PMFBP1: variants seen among roughly 807,000 people sequenced by gnomAD.
PMFBP1 encodes the protein polyamine modulated factor 1 binding protein 1.
A neutral mutation model predicts 137.8 loss-of-function variants in PMFBP1; 131 were observed. The ratio of observed to expected loss-of-function variants is 0.95; its 90% CI spans 0.82 to 1.10. PMFBP1 has a LOEUF of 1.10. Ranked by LOEUF, PMFBP1 falls within the 50% of genes least tolerant of loss-of-function variation. The pLI, the probability that PMFBP1 is intolerant of heterozygous loss-of-function variation, is 0.00. For synonymous variants in PMFBP1, 490 were observed against 450.4 expected (o/e 1.09, Z -1.11); for missense variants, 1,199 against 1,175.4 (o/e 1.02, Z -0.29).
chr16:72,140,523 A>G lies in PMFBP1; in HGVS notation c.696T>C (p.Ile232=). The change falls in exon 6 of 21, where the codon ATT becomes ATC. Residue 232 remains isoleucine (I), a synonymous_variant. Transcript: ENST00000237353. ...KVRIYTSPCM[I]QEHQETQKRL... ...GTTTCTGAGTCTCCTGATGCTCTTG[A>G]ATCATGCAAGGAGAAGTGTATATCC... is the stretch of plus-strand genomic sequence containing the variant. 1 of 1,613,492 alleles carries G rather than the reference A, an allele frequency of 6.2e-7. No individual in the cohort carries two copies. Among genetic ancestry groups the G allele is most frequent in the South Asian group, 1.1e-5 (1 of 91,072 alleles).
chr16:72,219,716 T>C, the PMFBP1 span, among the ~76,000 whole-genome samples: 1 of 151,892 alleles, frequency 6.6e-6, no homozygotes, highest in Non-Finnish European at 1.5e-5. Flanking sequence ...AGGGATGAGA[T>C]ACAGGTTTGG....
At chr16:72,217,318 C>T in the PMFBP1 span, among the ~76,000 whole-genome samples, 1 of 152,142 alleles carries the variant, frequency 6.6e-6, no homozygotes, top group South Asian at 2.1e-4. Context: ...TTTTAAAATA[C>T]ACAGTACTCT....
At chr16:72,184,264 G>T in the PMFBP1 span, among the ~76,000 whole-genome samples, 2 of 152,076 alleles carry the variant, frequency 1.3e-5, no homozygotes, top group Non-Finnish European at 2.9e-5. Flanking sequence ...ATATCAGGTT[G>T]TTCCTACAAT....
rs975599024 is a variant in PMFBP1 at position 72,169,599 on chromosome 16, A to C, written c.12+1598T>G. On this transcript the variant is annotated intron_variant, in intron 2 of 20. Transcript: ENST00000237353. ...TGTAACAAACCTGCACATTCTGCAC[A>C]TGTATCCCAGAACTTAAAGTATAAT... is the stretch of plus-strand genomic sequence containing the variant. Among the ~76,000 whole-genome samples the C allele has an allele frequency of 6.6e-5, 10 of 152,214 alleles. 1 individual carries two copies. Among genetic ancestry groups the C allele is most frequent in the Non-Finnish European group, 1.3e-4 (9 of 68,038 alleles).
intron 6 of PMFBP1, among the ~76,000 whole-genome samples, chr16:72,139,865 A>G (rs1334957548): frequency 6.6e-6 from 1 of 152,232 alleles, no homozygotes; most frequent in Non-Finnish European, 1.5e-5. Flanking sequence ...AAATAATTCA[A>G]ATAAGACCTG....
the PMFBP1 span, among the ~76,000 whole-genome samples, chr16:72,209,373 A>G: frequency 3.9e-4 from 59 of 152,290 alleles, no homozygotes; most frequent in African/African-American, 1.4e-3. Flanking sequence ...AGACCCACTT[A>G]TTAATTTACA....
the PMFBP1 span, among the ~76,000 whole-genome samples, chr16:72,242,286 G>A: frequency 1.7e-4 from 26 of 152,316 alleles, no homozygotes; most frequent in Non-Finnish European, 3.5e-4. Flanking sequence ...CCTTTGTTCT[G>A]TCAAAGATCC....
chr16:72,168,302 T>C (rs1237910930), intron 2 of PMFBP1, among the ~76,000 whole-genome samples: 2 of 152,156 alleles, frequency 1.3e-5, no homozygotes, highest in African/African-American at 2.4e-5. Context: ...TCGAGAATGA[T>C]GTTCGATTTT....
At chr16:72,125,695 A>C (rs771587095) in intron 15 of PMFBP1, among the ~76,000 whole-genome samples, 29 of 152,128 alleles carry the variant, frequency 1.9e-4, no homozygotes, top group Non-Finnish European at 4.0e-4. Context: ...GACAATCCAG[A>C]CTTTGGGAAA....
chr16:72,180,893 A>C (rs943536665), upstream of PMFBP1, among the ~76,000 whole-genome samples: 4 of 152,168 alleles, frequency 2.6e-5, no homozygotes, highest in Admixed American at 6.5e-5. Context: ...AAATGAGTGG[A>C]AGAAATGAAA....
the PMFBP1 span, among the ~76,000 whole-genome samples, chr16:72,193,941 G>A: frequency 6.6e-6 from 1 of 150,714 alleles, no homozygotes; most frequent in South Asian, 2.1e-4. Flanking sequence ...CCCATGAGGT[G>A]GAAGAGTCTA....
the PMFBP1 span, among the ~76,000 whole-genome samples, chr16:72,212,749 G>A: frequency 6.6e-6 from 1 of 152,110 alleles, no homozygotes; most frequent in Non-Finnish European, 1.5e-5. Context: ...AATAAATGAA[G>A]ACTGAGCCTT....
chr16:72,136,010 C>T (rs150954487), intron 9 of PMFBP1, among the ~76,000 whole-genome samples: 2 of 152,194 alleles, frequency 1.3e-5, no homozygotes, highest in African/African-American at 4.8e-5. Flanking sequence ...CCACCTTGGC[C>T]TCTTAAAGTG....
At chr16:72,117,443 A>T (rs1269541092), downstream of PMFBP1, among the ~76,000 whole-genome samples, 2 of 152,118 alleles carry the variant, frequency 1.3e-5, no homozygotes, top group African/African-American at 4.8e-5. Context: ...GGTTTTTTAC[A>T]TATAAGATCT....
the PMFBP1 span, among the ~76,000 whole-genome samples, chr16:72,225,934 G>GACACACACACACACACACACACACAC: frequency 7.1e-6 from 1 of 140,666 alleles, no homozygotes; most frequent in African/African-American, 2.7e-5. Context: ...CACACTCACA[G>GACACACACACACACACACACACACAC]ACACACACAC....
Position 72,136,430 on chromosome 16 carries a change from C to A in PMFBP1, c.1203+18G>T, listed in dbSNP as rs903772453. On this transcript the variant is annotated intron_variant, in intron 9 of 20. Coordinates refer to ENST00000237353, the MANE Select transcript of PMFBP1 (RefSeq NM_031293.3). Reference sequence around the variant, plus strand: ...CACCTGCCCCATTGGGAACCCCAACCAGAGTTCCTCACTTTACCTTGTCTT... The same window carrying A: ...CACCTGCCCCATTGGGAACCCCAACAAGAGTTCCTCACTTTACCTTGTCTT... The A allele has an allele frequency of 1.3e-5, 21 of 1,610,116 alleles. 1 individual carries two copies. The highest frequency in any genetic ancestry group is 1.7e-4 in the Middle Eastern group (1 of 6,002).
chr16:72,193,981 G>A, the PMFBP1 span, among the ~76,000 whole-genome samples: 1 of 144,562 alleles, frequency 6.9e-6, no homozygotes, highest in Non-Finnish European at 1.5e-5. Context: ...TATCAAGGCT[G>A]CTTTTTTTTT....
the PMFBP1 span, among the ~76,000 whole-genome samples, chr16:72,214,853 T>G: frequency 1.3e-5 from 2 of 151,840 alleles, no homozygotes; most frequent in African/African-American, 4.8e-5. Context: ...TAGCAATGTA[T>G]CTAAAAGGTT....
chr16:72,249,918 C>T, the PMFBP1 span, among the ~76,000 whole-genome samples: 16 of 60,496 alleles, frequency 2.6e-4, no homozygotes, highest in Non-Finnish European at 4.0e-4. Context: ...GAGACTCCAT[C>T]GCAAAAAAAA....
Sources: gnomAD v4.1 joint callset for allele counts (sites outside exome capture counted in the v4.1 genomes callset) on GRCh38, gnomAD v4.1.1 for gene constraint, MANE v1.5 for transcripts, NCBI Gene and HGNC (gene_info 2026-07-23, HGNC 2026-07-21) for gene names.